FRMD6: variants seen among roughly 807,000 people sequenced by gnomAD.
FRMD6 encodes FERM domain containing 6, also known as FERM domain-containing protein 6.
Under a neutral mutation model 73.2 loss-of-function variants are expected in FRMD6, and 37 were observed. The observed-to-expected ratio is 0.51, with a 90% CI of 0.39 to 0.66. The LOEUF is 0.66. FRMD6 is among the 30% of genes least tolerant of loss of function. FRMD6 has a pLI of 0.00. For synonymous variants in FRMD6, 273 were observed against 282.2 expected, an observed-to-expected ratio of 0.97 and a Z score of 0.33; for missense variants, 714 against 780.5, an observed-to-expected ratio of 0.91 and a Z score of 1.02.
the FRMD6 span, chr14:51,454,812 G>T: frequency 7.0e-6 from 1 of 142,378 alleles, no homozygotes; most frequent in South Asian, 2.2e-4. Flanking sequence ...CCCTTTGTTA[G>T]GTCCTATAAT....
the FRMD6 span, among the ~76,000 whole-genome samples, chr14:51,421,955 T>G: frequency 5.3e-5 from 8 of 152,336 alleles, no homozygotes; most frequent in East Asian, 1.3e-3. Context: ...GAAGTAGGGT[T>G]CAGGGGAGCT....
intron 1 of FRMD6, among the ~76,000 whole-genome samples, chr14:51,513,796 C>G (rs1884460635): frequency 6.6e-6 from 1 of 152,124 alleles, no homozygotes; most frequent in Non-Finnish European, 1.5e-5. Flanking sequence ...CTTGTCTCTT[C>G]ATGACTGAGC....
intron 1 of FRMD6, among the ~76,000 whole-genome samples, chr14:51,566,972 C>T (rs967112928): frequency 5.9e-5 from 9 of 152,238 alleles, no homozygotes; most frequent in South Asian, 2.1e-4. Flanking sequence ...GCATTGAAAA[C>T]TCAAATGCCC....
At chr14:51,399,498 TCTGA>T in the FRMD6 span, among the ~76,000 whole-genome samples, 1 of 152,220 alleles carries the variant, frequency 6.6e-6, no homozygotes, top group East Asian at 1.9e-4. Context: ...TAGAAAAATA[TCTGA>T]CTATTAGAAT....
upstream of FRMD6, chr14:51,651,596 G>C (rs1217604614): frequency 6.6e-6 from 1 of 152,322 alleles, no homozygotes; most frequent in Non-Finnish European, 1.5e-5. Context: ...ACACCACCGC[G>C]TCCACCTGAG....
intron 2 of FRMD6, among the ~76,000 whole-genome samples, chr14:51,586,796 T>A (rs1193114624): frequency 6.6e-6 from 1 of 152,080 alleles, no homozygotes; most frequent in Non-Finnish European, 1.5e-5. Context: ...CAGGCTGGAG[T>A]GCAGTGGCAT....
the FRMD6 span, among the ~76,000 whole-genome samples, chr14:51,411,080 A>G: frequency 6.6e-6 from 1 of 152,130 alleles, no homozygotes; most frequent in African/African-American, 2.4e-5. Flanking sequence ...TATGTTTTAT[A>G]CCATGTGTTC....
chr14:51,496,813 A>G (rs1389753370), intron 1 of FRMD6, among the ~76,000 whole-genome samples: 2 of 152,216 alleles, frequency 1.3e-5, no homozygotes, highest in East Asian at 1.9e-4. Flanking sequence ...CAAGACACTT[A>G]AAGTCTCATC....
rs1298760396 is a variant in FRMD6, at chr14:51,728,086, T to C, written c.*57T>C. On this transcript the variant is annotated 3_prime_UTR_variant, in exon 14 of 14. Coordinates refer to ENST00000344768, the MANE Select transcript of FRMD6 (RefSeq NM_001267046.2). ...TACTGTTTGCTAGAGGATGCGAAAG[T>C]CATAAGTTCTTTACATATTACTTGT... 5 of 1,498,320 alleles carry C rather than the reference T, an allele frequency of 3.3e-6. No homozygotes were observed. Among genetic ancestry groups the C allele is most frequent in the African/African-American group, 2.8e-5 (2 of 72,184 alleles). 92.8% of individuals were successfully genotyped at this position (1,498,320 alleles called of 1,614,324 possible). A position where few individuals can be genotyped will look rare whatever the true frequency, so the allele number is the denominator to read the frequency against.
the FRMD6 span, among the ~76,000 whole-genome samples, chr14:51,429,926 T>C: frequency 6.6e-6 from 1 of 152,164 alleles, no homozygotes; most frequent in Admixed American, 6.5e-5. Context: ...CAGTCTAGAT[T>C]TATACCCACC....
chr14:51,397,714 G>T, the FRMD6 span, among the ~76,000 whole-genome samples: 20 of 152,188 alleles, frequency 1.3e-4, no homozygotes, highest in African/African-American at 4.8e-4. Context: ...CTGACATCGC[G>T]CCACATGTAG....
chr14:51,520,564 C>A (rs554945106), intron 1 of FRMD6, among the ~76,000 whole-genome samples: 1 of 152,054 alleles, frequency 6.6e-6, no homozygotes, highest in African/African-American at 2.4e-5. Context: ...GATGAATATA[C>A]GAAGTGTGAT....
intron 8 of FRMD6, 65 bp from the exon 9 acceptor site, chr14:51,712,418 G>A (rs1268608481): frequency 2.0e-6 from 2 of 996,256 alleles, no homozygotes; most frequent in African/African-American, 3.3e-5. Context: ...AGGGAAAGAA[G>A]TTAGAGCCAT....
At chr14:51,544,721 G>A (rs1183433580) in intron 1 of FRMD6, among the ~76,000 whole-genome samples, 3 of 151,472 alleles carry the variant, frequency 2.0e-5, no homozygotes, top group Non-Finnish European at 1.5e-5. Context: ...TTTTGGGCTT[G>A]GAATGAAATA....
the FRMD6 span, among the ~76,000 whole-genome samples, chr14:51,419,321 TG>T: frequency 6.6e-6 from 1 of 152,202 alleles, no homozygotes; most frequent in African/African-American, 2.4e-5. Context: ...GACTAATTTT[TG>T]TATTTTTAAT....
chr14:51,465,578 G>A, the FRMD6 span, among the ~76,000 whole-genome samples: 1 of 152,184 alleles, frequency 6.6e-6, no homozygotes, highest in African/African-American at 2.4e-5. Context: ...GACAAAAAAA[G>A]AGTTTTCATT....
chr14:51,727,563 T>C (rs1044514032), intron 13 of FRMD6, among the ~76,000 whole-genome samples, 182 bp from the exon 14 acceptor site: 4 of 152,200 alleles, frequency 2.6e-5, no homozygotes, highest in Non-Finnish European at 4.4e-5. Flanking sequence ...GCTGCTATTA[T>C]TACTGATGGA....
chr14:51,717,727 T>C (rs989504300), intron 10 of FRMD6, among the ~76,000 whole-genome samples: 8 of 152,194 alleles, frequency 5.3e-5, no homozygotes, highest in Non-Finnish European at 4.4e-5. Context: ...AAAGCCCTTT[T>C]TTGGGCATTA....
At chr14:51,498,742 C>T (rs1596497400) in intron 1 of FRMD6, among the ~76,000 whole-genome samples, 2 of 152,206 alleles carry the variant, frequency 1.3e-5, no homozygotes, top group East Asian at 1.9e-4. Flanking sequence ...CACATCTACT[C>T]ATTCCATCCA....
Sources: gnomAD v4.1 joint callset for allele counts (sites outside exome capture counted in the v4.1 genomes callset) on GRCh38, gnomAD v4.1.1 for gene constraint, MANE v1.5 for transcripts, NCBI Gene and HGNC (gene_info 2026-07-23, HGNC 2026-07-21) for gene names.